The following KCNAB1 variants were observed in gnomAD, a reference collection of about 807,000 sequenced individuals.
The protein encoded by KCNAB1 is potassium voltage-gated channel subfamily A regulatory beta subunit 1.
Under a neutral mutation model 64.6 loss-of-function variants are expected in KCNAB1, and 35 were observed. The ratio of observed to expected loss-of-function variants is 0.54; its 90% confidence interval spans 0.41 to 0.72. The LOEUF is 0.72. Among genes scored for constraint, KCNAB1 ranks in the 30% least tolerant of loss-of-function variants. KCNAB1 has a pLI of 0.00. For synonymous variants in KCNAB1, 177 were observed against 183.8 expected, an observed-to-expected ratio of 0.96 and a Z score of 0.30; for missense variants, 401 against 512.9, an observed-to-expected ratio of 0.78 and a Z score of 2.11.
chr3:156,262,009 T>G (rs995682819), intron 1 of KCNAB1, among the ~76,000 whole-genome samples: 25 of 151,970 alleles, frequency 1.6e-4, no homozygotes, highest in African/African-American at 6.0e-4. Context: ...CTTAATTTTG[T>G]TTTTGGCTGT....
intron 8 of KCNAB1, among the ~76,000 whole-genome samples, chr3:156,492,389 G>T (rs1451836738): frequency 1.3e-5 from 2 of 152,116 alleles, no homozygotes; most frequent in Non-Finnish European, 2.9e-5. Flanking sequence ...TGTTATATTA[G>T]TTTGGGGGCC....
At chr3:156,224,015 G>T (rs973499343) in intron 1 of KCNAB1, among the ~76,000 whole-genome samples, 2 of 152,212 alleles carry the variant, frequency 1.3e-5, no homozygotes, top group Non-Finnish European at 2.9e-5. Context: ...CAGTTGGTTG[G>T]GGGGGATGTG....
At chr3:156,170,796 C>A (rs895253213) in intron 1 of KCNAB1, among the ~76,000 whole-genome samples, 1 of 152,140 alleles carries the variant, frequency 6.6e-6, no homozygotes, top group Non-Finnish European at 1.5e-5. Flanking sequence ...AAGTGCAAGA[C>A]CACAAGAGGA....
intron 1 of KCNAB1, among the ~76,000 whole-genome samples, chr3:156,188,934 T>TGGTG (rs1389874195): frequency 1.3e-5 from 2 of 152,152 alleles, no homozygotes; most frequent in Non-Finnish European, 2.9e-5. Flanking sequence ...GGGTGAGTCG[T>TGGTG]GGTGGGCCCT....
At chr3:156,382,855 T>C (rs1712272927) in intron 1 of KCNAB1, among the ~76,000 whole-genome samples, 1 of 152,230 alleles carries the variant, frequency 6.6e-6, no homozygotes, top group Non-Finnish European at 1.5e-5. Flanking sequence ...AAAAGAAGCC[T>C]GAGGGCTTGT....
At position 156,239,971 on chromosome 3, in the gene KCNAB1, A is replaced by G. The variant is rs140640163; in HGVS notation, c.275+119085A>G. Among the ~76,000 whole-genome samples the G allele has an allele frequency of 6.9e-4, 105 of 152,314 alleles. 4 individuals carry two copies. The highest frequency in any genetic ancestry group is 5.8e-3 in the Admixed American group (89 of 15,300). ...ACTTTTAAACTTGAAAGCTACAGGA[A>G]ATACATCATGTTAGGGAGATTAAAA... On this transcript the variant is annotated intron_variant, in intron 1 of 13. Transcript: ENST00000490337.
intron 1 of KCNAB1, among the ~76,000 whole-genome samples, chr3:156,205,080 A>G (rs1659461440): frequency 1.3e-5 from 2 of 152,184 alleles, no homozygotes; most frequent in Admixed American, 1.3e-4. Flanking sequence ...AAATTACTTG[A>G]AAAGATAATT....
intron 1 of KCNAB1, among the ~76,000 whole-genome samples, chr3:156,325,519 C>A (rs1722916226): frequency 6.6e-6 from 1 of 151,862 alleles, no homozygotes; most frequent in South Asian, 2.1e-4. Flanking sequence ...AATAACTTAT[C>A]TTTCCTTTGG....
chr3:156,489,383 G>A (rs1485432400), intron 8 of KCNAB1, among the ~76,000 whole-genome samples: 2 of 151,174 alleles, frequency 1.3e-5, no homozygotes, highest in South Asian at 2.1e-4. Context: ...AAATGTTACC[G>A]ATAGGTCAAG....
At chr3:156,282,404 A>G (rs1238064830) in intron 1 of KCNAB1, among the ~76,000 whole-genome samples, 1 of 140,736 alleles carries the variant, frequency 7.1e-6, no homozygotes, top group Non-Finnish European at 1.5e-5. Context: ...TCAATTTTGG[A>G]ATAGGTGTGG....
In KCNAB1 at chr3:156,436,661, G is replaced by A. The variant is rs1010321683; in HGVS notation, c.319+15002G>A. Among the ~76,000 whole-genome samples, 26 of 152,192 alleles carry A rather than the reference G, an allele frequency of 1.7e-4. 2 individuals carry two copies. Among genetic ancestry groups the A allele is most frequent in the Admixed American group, 1.4e-3 (21 of 15,288 alleles). On this transcript the variant is annotated intron_variant, in intron 2 of 13. Transcript: ENST00000490337. ...GTGCTTTGATTTGCTTTTCTCTAAT[G>A]ATCAGTGATGTTGAGCTTTTTGTCA...
intron 1 of KCNAB1, among the ~76,000 whole-genome samples, chr3:156,231,986 T>C (rs1716560774): frequency 6.6e-6 from 1 of 152,210 alleles, no homozygotes; most frequent in Non-Finnish European, 1.5e-5. Context: ...TGGCTCAGAA[T>C]AAATCTCTTC....
intron 8 of KCNAB1, among the ~76,000 whole-genome samples, chr3:156,476,124 C>T (rs988638782): frequency 3.9e-5 from 6 of 152,110 alleles, no homozygotes; most frequent in African/African-American, 7.2e-5. Flanking sequence ...GATAATATGA[C>T]GTTATTCAAC....
At chr3:156,502,532 CCACACACACACACACA>C (rs60469602) in intron 8 of KCNAB1, among the ~76,000 whole-genome samples, 51 of 142,912 alleles carry the variant, frequency 3.6e-4, no homozygotes, top group South Asian at 6.7e-4. Context: ...TACCTTACAA[CCACACACACACACACA>C]CACACACACA....
intron 1 of KCNAB1, among the ~76,000 whole-genome samples, chr3:156,134,765 T>C (rs1318451305): frequency 2.6e-5 from 4 of 152,232 alleles, no homozygotes; most frequent in Non-Finnish European, 5.9e-5. Flanking sequence ...TTTATAAATT[T>C]CTCAGCCAAA....
intron 1 of KCNAB1, among the ~76,000 whole-genome samples, chr3:156,160,131 A>G (rs1458731476): frequency 5.9e-5 from 9 of 152,192 alleles, no homozygotes; most frequent in Admixed American, 5.9e-4. Context: ...GTGGTCTAAG[A>G]CTAGAAGAGA....
intron 1 of KCNAB1, among the ~76,000 whole-genome samples, chr3:156,376,829 A>G (rs114093486): frequency 0.016 from 2,484 of 152,252 alleles, 55 homozygotes; most frequent in African/African-American, 0.056. Flanking sequence ...GAAGGAGTCA[A>G]TGAAAAGGAA....
At chr3:156,201,035 C>G (rs975756879) in intron 1 of KCNAB1, among the ~76,000 whole-genome samples, 2 of 152,198 alleles carry the variant, frequency 1.3e-5, no homozygotes, top group African/African-American at 4.8e-5. Context: ...CCAGATAGCA[C>G]AGTCTCTCAC....
intron 7 of KCNAB1, among the ~76,000 whole-genome samples, chr3:156,467,297 A>T (rs1713487239): frequency 6.6e-6 from 1 of 152,106 alleles, no homozygotes; most frequent in Non-Finnish European, 1.5e-5. Flanking sequence ...CATAAGTCAA[A>T]CCATTGTAAG....
Sources: allele counts gnomAD v4.1 joint callset (sites outside exome capture counted in the v4.1 genomes callset), GRCh38; gene constraint gnomAD v4.1.1; transcripts MANE v1.5; gene names NCBI Gene and HGNC (gene_info 2026-07-23, HGNC 2026-07-21).